Variants in CCND3 observed in about 807,000 individuals in gnomAD.
CCND3 encodes the protein G1/S-specific cyclin-D3.
CCND3 carries 9 observed loss-of-function variants against 28.7 expected under a neutral mutation model. That is an observed-to-expected ratio of 0.31 (90% CI 0.19 to 0.55). The LOEUF is 0.55. CCND3 is among the 20% of genes least tolerant of loss of function. The pLI is 0.93. For synonymous variants in CCND3, 164 were observed against 163.9 expected (o/e 1.00, Z 0.00); for missense variants, 315 against 385.8 (o/e 0.82, Z 1.54).
chr6:41,953,300 T>G (rs1447145540), intron 1 of CCND3, among the ~76,000 whole-genome samples: 4 of 149,586 alleles, frequency 2.7e-5, no homozygotes, highest in Non-Finnish European at 5.9e-5. Context: ...ACATTGAGTC[T>G]GAAGACTTCG....
chr6:41,999,288 G>A (rs1762914480), intron 1 of CCND3, among the ~76,000 whole-genome samples: 1 of 152,038 alleles, frequency 6.6e-6, no homozygotes, highest in African/African-American at 2.4e-5. Context: ...CACTCTTGCT[G>A]CCCGGGCTGG....
rs556807103 is a variant in CCND3 at position 41,974,439 on chromosome 6, G to A, written c.-45-33854C>T. Among the ~76,000 whole-genome samples the A allele has an allele frequency of 2.0e-5, 3 of 152,238 alleles. No homozygotes were observed. In the East Asian group the frequency reaches 5.8e-4, roughly 29 times the overall value. ...ATCATTAAGAACTGGGTAACCAGGT[G>A]CCAGCCCCCTCCCCTCTAATAGAAG... On this transcript the variant is annotated intron_variant, in intron 1 of 4. Transcript: ENST00000372988.
chr6:42,014,216 A>C (rs1251168848), intron 1 of CCND3, among the ~76,000 whole-genome samples: 1 of 151,186 alleles, frequency 6.6e-6, no homozygotes, highest in Admixed American at 6.6e-5. Context: ...ATACAAAAAA[A>C]ATTAGCCGGG....
intron 1 of CCND3, among the ~76,000 whole-genome samples, chr6:41,998,181 A>G (rs548470385): frequency 1.3e-5 from 2 of 151,432 alleles, no homozygotes; most frequent in Non-Finnish European, 2.9e-5. Context: ...CCAGGTATTC[A>G]GGAAGCTGAG....
chr6:41,951,290 T>G (rs1477646911), intron 1 of CCND3, among the ~76,000 whole-genome samples: 4 of 149,444 alleles, frequency 2.7e-5, no homozygotes, highest in African/African-American at 7.4e-5. Flanking sequence ...GCGCGGTGGC[T>G]CACGCCTGTA....
In CCND3 at chr6:42,048,584, G is replaced by A. The variant is rs1277142838; in HGVS notation, c.-129C>T. On this transcript the variant is annotated 5_prime_UTR_variant, in exon 1 of 5. Transcript: ENST00000372988. This position sits in a 1 kb window ranked among gnomAD's most constrained non-coding sequence, Gnocchi z 4.7. The stretch of plus-strand genomic sequence containing the variant: ...CGCCTCCGGAGCCTGCCTTTGGGGA[G>A]TGGGGGTGGTCGCAACCACCAGCCG... 2 of 514,910 alleles carry A rather than the reference G, an allele frequency of 3.9e-6. No individual in the cohort carries two copies. Among genetic ancestry groups the A allele is most frequent in the Non-Finnish European group, 7.7e-6 (2 of 258,410 alleles). 31.9% of individuals were successfully genotyped at this position (514,910 alleles called of 1,614,324 possible). A position where few individuals can be genotyped will look rare whatever the true frequency, so the allele number is the denominator to read the frequency against.
At chr6:41,943,776 G>C (rs1223042011), upstream of CCND3, among the ~76,000 whole-genome samples, 1 of 151,212 alleles carries the variant, frequency 6.6e-6, no homozygotes, top group African/African-American at 2.4e-5. Context: ...CTGCCAACTA[G>C]AGAGTGAAAG....
At chr6:41,972,616 C>T (rs1051079878) in intron 1 of CCND3, among the ~76,000 whole-genome samples, 16 of 152,072 alleles carry the variant, frequency 1.1e-4, no homozygotes, top group African/African-American at 1.2e-4. Context: ...ACAGAGATGG[C>T]GCCTGGAAAG....
At chr6:42,001,394 A>C (rs1763007034) in intron 1 of CCND3, among the ~76,000 whole-genome samples, 1 of 152,216 alleles carries the variant, frequency 6.6e-6, no homozygotes, top group African/African-American at 2.4e-5. Flanking sequence ...AATAGTGCAT[A>C]TACATCCATA....
At chr6:41,980,530 A>C (rs1762316635) in intron 1 of CCND3, among the ~76,000 whole-genome samples, 1 of 149,164 alleles carries the variant, frequency 6.7e-6, no homozygotes, top group Non-Finnish European at 1.5e-5. Flanking sequence ...TCCTTAACTC[A>C]TTCTATAAGG....
At chr6:42,012,537 G>A (rs1763373371) in intron 1 of CCND3, among the ~76,000 whole-genome samples, 1 of 152,196 alleles carries the variant, frequency 6.6e-6, no homozygotes, top group African/African-American at 2.4e-5. Context: ...GGAGGTGGAG[G>A]TTGTAGTGAG....
In CCND3 at chr6:41,941,618, T is replaced by A; in HGVS notation, c.32A>T (p.His11Leu). 2 of 1,518,668 alleles carry A rather than the reference T, an allele frequency of 1.3e-6. No individual in the cohort carries two copies. The highest frequency in any genetic ancestry group is 1.8e-6 in the Non-Finnish European group (2 of 1,131,102). The allele number at this position is 1,518,668 out of a possible 1,614,324, so 94.1% of individuals were successfully genotyped here. A position where few individuals can be genotyped will look rare whatever the true frequency, so the allele number is the denominator to read the frequency against. ...CGGGTCCGGCCCGGCCCGGGGCGCG[T>A]GCCGGGTGCCTTCGCAACACAGCAG... is the stretch of plus-strand genomic sequence containing the variant. MELLCCEGTRHAPRAGPDPRL... is the reference protein window; with the variant it reads MELLCCEGTRLAPRAGPDPRL... Residue 11 changes from histidine (H) to leucine (L), a missense_variant, in exon 1 of 5, where the codon CAC becomes CTC. Coordinates refer to ENST00000372991, the MANE Select transcript of CCND3 (RefSeq NM_001760.5). This position sits in a 1 kb window ranked among gnomAD's most constrained non-coding sequence, Gnocchi z 6.1.
At chr6:41,953,624 G>A (rs2127400873) in intron 1 of CCND3, among the ~76,000 whole-genome samples, 1 of 152,116 alleles carries the variant, frequency 6.6e-6, no homozygotes. Context: ...CCTCTCTGTT[G>A]TGAACAGAAC....
chr6:42,037,426 C>T (rs540158677), intron 1 of CCND3, among the ~76,000 whole-genome samples: 3 of 147,502 alleles, frequency 2.0e-5, no homozygotes, highest in African/African-American at 5.0e-5. Flanking sequence ...TTAGTAGAGA[C>T]GGTTTTCAAC....
intron 1 of CCND3, among the ~76,000 whole-genome samples, chr6:41,990,566 T>C (rs1387628242): frequency 6.6e-6 from 1 of 151,536 alleles, no homozygotes; most frequent in East Asian, 1.9e-4. Context: ...CTGTAGTAAC[T>C]AAAATAGCAT....
In CCND3 at chr6:41,989,374, G is replaced by C. The variant is rs200232372; in HGVS notation, c.-45-48789C>G. Among the ~76,000 whole-genome samples, 30 of 140,216 alleles carry C rather than the reference G, an allele frequency of 2.1e-4. No homozygotes were observed. In the East Asian group the frequency reaches 6.6e-3, roughly 31 times the overall value. The allele number at this position is 140,216 out of a possible 152,430, so 92.0% of individuals were successfully genotyped here. On this transcript the variant is annotated intron_variant, in intron 1 of 4. Coordinates refer to the CCND3 transcript ENST00000372988. Reference sequence around the variant, plus strand: ...GGAGACTGAGGCAGGAGAATCGCTTGAACCTGGGAGATGGAGGTTGCAGTG... The same window carrying C: ...GGAGACTGAGGCAGGAGAATCGCTTCAACCTGGGAGATGGAGGTTGCAGTG...
At chr6:42,049,950 T>G (rs1764686222), upstream of CCND3, 1 of 152,182 alleles carries the variant, frequency 6.6e-6, no homozygotes, top group Non-Finnish European at 1.5e-5. Flanking sequence ...ACCCTGCGAG[T>G]GTAGATGATC....
chr6:42,019,999 C>T (rs1346540291), intron 1 of CCND3, among the ~76,000 whole-genome samples: 2 of 152,118 alleles, frequency 1.3e-5, no homozygotes, highest in Non-Finnish European at 2.9e-5. Context: ...AAAAACCTTG[C>T]CGGGAGCGGT....
intron 1 of CCND3, among the ~76,000 whole-genome samples, chr6:42,036,436 G>C (rs1180071063): frequency 1.0e-5 from 1 of 96,558 alleles, no homozygotes; most frequent in Non-Finnish European, 1.9e-5. Context: ...TTGACACAGG[G>C]TCTCCCTCTG....
Sources: gnomAD v4.1 joint callset for allele counts (sites outside exome capture counted in the v4.1 genomes callset) on GRCh38, gnomAD v4.1.1 for gene constraint, Gnocchi (gnomAD v3.1) non-coding constraint, MANE v1.5 for transcripts, NCBI Gene and HGNC (gene_info 2026-07-23, HGNC 2026-07-21) for gene names.